The following SOX6 variants were observed in gnomAD, a reference collection of about 807,000 sequenced individuals.
SOX6 encodes the protein SRY-box transcription factor 6, also known as transcription factor SOX-6.
SOX6 carries 11 observed loss-of-function variants against 97.8 expected under a neutral mutation model. The ratio of observed to expected loss-of-function variants is 0.11; its 90% confidence interval spans 0.07 to 0.19. The LOEUF (loss-of-function observed/expected upper bound fraction) is 0.19. Among genes scored for constraint, SOX6 ranks in the 10% least tolerant of loss-of-function variants. The probability of loss-of-function intolerance (pLI) is 1.00; values close to 1 mark genes in which losing one functional copy is unlikely to be tolerated. For missense variants in SOX6, 810 were observed against 1,039.5 expected (o/e 0.78, Z 3.04); for synonymous variants, 360 against 371.4 (o/e 0.97, Z 0.35).
intron 3 of SOX6, among the ~76,000 whole-genome samples, chr11:16,696,671 T>G (rs1422664307): frequency 6.6e-6 from 1 of 152,204 alleles, no homozygotes; most frequent in Non-Finnish European, 1.5e-5. Flanking sequence ...TGCTGAAAAA[T>G]GCAAATAATT....
At chr11:16,380,270 C>T (rs1857772706) in intron 1 of SOX6, among the ~76,000 whole-genome samples, 1 of 151,950 alleles carries the variant, frequency 6.6e-6, no homozygotes, top group East Asian at 1.9e-4. Context: ...TTAAGAGTAG[C>T]TTGCAAAACA....
intron 6 of SOX6, among the ~76,000 whole-genome samples, chr11:16,179,908 A>T (rs1851303750): frequency 6.6e-6 from 1 of 151,888 alleles, no homozygotes; most frequent in African/African-American, 2.4e-5. Flanking sequence ...GGATAATACT[A>T]TTCATCCCTG....
At chr11:16,506,736 G>C (rs778161396) in intron 4 of SOX6, among the ~76,000 whole-genome samples, 1 of 152,136 alleles carries the variant, frequency 6.6e-6, no homozygotes, top group Non-Finnish European at 1.5e-5. Context: ...TGATGTTCTT[G>C]TGGTAGAGTT....
chr11:16,136,787 T>C (rs976398566), intron 6 of SOX6, among the ~76,000 whole-genome samples: 1 of 152,192 alleles, frequency 6.6e-6, no homozygotes, highest in Non-Finnish European at 1.5e-5. Flanking sequence ...CAACTCATTT[T>C]ATTATGAAAT....
chr11:16,118,145 A>C (rs1849399191), intron 6 of SOX6, among the ~76,000 whole-genome samples: 2 of 152,222 alleles, frequency 1.3e-5, no homozygotes, highest in Admixed American at 6.5e-5. Context: ...AGTAAGCACT[A>C]TCTGGCTGGG....
chr11:16,561,570 C>A lies in SOX6; in HGVS notation n.609+50511G>T, dbSNP rs529273969. 5.9e-5 allele frequency among the ~76,000 whole-genome samples: 9 copies of A among 152,172 alleles called. No individual in the cohort carries two copies. The South Asian group carries it at 1.9e-3, about 32-fold the overall frequency. On this transcript the variant is annotated intron_variant and non_coding_transcript_variant, in intron 4 of 5. Coordinates refer to the SOX6 transcript ENST00000524520. Reference sequence around the variant, plus strand: ...CCTGACTAGAACAATAGGTATTTAACAAAAATTGTTCTAAAACTGATATTG... The same window carrying A: ...CCTGACTAGAACAATAGGTATTTAAAAAAAATTGTTCTAAAACTGATATTG...
chr11:16,675,006 C>A (rs568563025), intron 3 of SOX6, among the ~76,000 whole-genome samples: 25 of 152,216 alleles, frequency 1.6e-4, no homozygotes, highest in African/African-American at 6.0e-4. Context: ...CTCAAATTAT[C>A]CTTGTCTGCT....
intron 6 of SOX6, among the ~76,000 whole-genome samples, chr11:16,145,225 T>G (rs1166945148): frequency 6.6e-6 from 1 of 151,932 alleles, no homozygotes; most frequent in Non-Finnish European, 1.5e-5. Context: ...GAATCCAGCA[T>G]ATAAACAGAA....
chr11:16,281,430 A>C (rs1387598883), intron 3 of SOX6, among the ~76,000 whole-genome samples: 1 of 152,082 alleles, frequency 6.6e-6, no homozygotes, highest in African/African-American at 2.4e-5. Context: ...AAGATAGAGC[A>C]ATCTTTACAA....
chr11:16,579,311 A>T (rs901892398), intron 4 of SOX6, among the ~76,000 whole-genome samples: 28 of 151,876 alleles, frequency 1.8e-4, no homozygotes, highest in African/African-American at 6.8e-4. Flanking sequence ...AGTGAAATGC[A>T]CTAATCCTAA....
Position 16,552,662 on chromosome 11 carries a change from AG to A in SOX6, n.609+59418del, listed in dbSNP as rs1263383527. ...GTACTTTAAATTGCCTAATCCTGGG[AG>A]TTACAGAAGTGAGGTTCAGGTCTCA... On this transcript the variant is annotated intron_variant and non_coding_transcript_variant, in intron 4 of 5. Transcript: ENST00000524520. Among the ~76,000 whole-genome samples, 6 of 152,314 alleles carry A rather than the reference AG, an allele frequency of 3.9e-5. No homozygotes were observed. The East Asian group carries it at 1.2e-3, about 29-fold the overall frequency.
At chr11:16,635,895 T>C (rs1426457009) in intron 3 of SOX6, among the ~76,000 whole-genome samples, 2 of 152,218 alleles carry the variant, frequency 1.3e-5, no homozygotes, top group East Asian at 1.9e-4. Context: ...GAAACAAGAA[T>C]TGAGGTTTGG....
chr11:16,257,668 A>C (rs894271320), intron 3 of SOX6, among the ~76,000 whole-genome samples: 2 of 151,944 alleles, frequency 1.3e-5, no homozygotes, highest in Non-Finnish European at 2.9e-5. Context: ...TAGCCAGAAC[A>C]CTAAAGGCAC....
At chr11:16,559,717 T>C (rs1260507129) in intron 4 of SOX6, among the ~76,000 whole-genome samples, 1 of 152,112 alleles carries the variant, frequency 6.6e-6, no homozygotes, top group African/African-American at 2.4e-5. Flanking sequence ...AGAAATGACT[T>C]TACCCCTTCC....
rs185928142 is a variant in SOX6, at chr11:16,092,220, T to C, written c.1101+3776A>G. On this transcript the variant is annotated intron_variant, in intron 9 of 15. Coordinates refer to ENST00000683767, the MANE Select transcript of SOX6 (RefSeq NM_001367873.1). ...TACATATACTGAGCCCCATCCTTCA[T>C]TGTATTTTTTTAAAAAGGCAACAAA... 5.3e-5 allele frequency among the ~76,000 whole-genome samples: 8 copies of C among 152,110 alleles called. No homozygotes were observed. The East Asian group carries it at 1.6e-3, about 30-fold the overall frequency.
At chr11:16,231,794 T>G (rs928591987) in intron 4 of SOX6, among the ~76,000 whole-genome samples, 2 of 151,744 alleles carry the variant, frequency 1.3e-5, no homozygotes, top group Admixed American at 1.3e-4. Context: ...CAATACTTTC[T>G]GCCAACAAAA....
chr11:16,687,029 G>A (rs558491603), intron 3 of SOX6, among the ~76,000 whole-genome samples: 10 of 152,164 alleles, frequency 6.6e-5, no homozygotes, highest in Non-Finnish European at 2.9e-5. Flanking sequence ...GGAGGCTGAG[G>A]CACAAGAATC....
At chr11:16,514,703 C>A (rs1246387295) in intron 4 of SOX6, among the ~76,000 whole-genome samples, 22 of 119,730 alleles carry the variant, frequency 1.8e-4, no homozygotes, top group African/African-American at 6.9e-4. Flanking sequence ...CCCCTCCCCC[C>A]ACCCCACAAC....
chr11:16,100,061 G>A (rs778737480), intron 7 of SOX6, among the ~76,000 whole-genome samples: 5 of 151,622 alleles, frequency 3.3e-5, no homozygotes, highest in Non-Finnish European at 5.9e-5. Context: ...AAGTAGAAAA[G>A]AAAAATTTAA....
Sources: allele counts gnomAD v4.1 joint callset (sites outside exome capture counted in the v4.1 genomes callset), GRCh38; gene constraint gnomAD v4.1.1; transcripts MANE v1.5; gene names NCBI Gene and HGNC (gene_info 2026-07-23, HGNC 2026-07-21).